Variants in IQSEC3 observed in about 807,000 individuals in gnomAD.
IQSEC3 encodes IQ motif and SEC7 domain-containing protein 3.
IQSEC3 carries 50 observed loss-of-function variants against 105.4 expected under a neutral mutation model. That is an observed-to-expected ratio of 0.47 (90% CI 0.38 to 0.60). The LOEUF is 0.60. Ranked by LOEUF, IQSEC3 falls within the 20% of genes least tolerant of loss-of-function variation. The pLI is 0.00. For synonymous variants in IQSEC3, 708 were observed against 746.0 expected (o/e 0.95, Z 0.83); for missense variants, 1,415 against 1,630.0 (o/e 0.87, Z 2.27).
At chr12:139,710 C>A (rs1173680479) in intron 4 of IQSEC3, 1 of 198,566 alleles carries the variant, frequency 5.0e-6, no homozygotes, top group African/African-American at 2.3e-5. Context: ...TTGAGGATTA[C>A]GCAGCAATCA....
In IQSEC3 at chr12:141,161, G is replaced by A. The variant is rs782808971; in HGVS notation, c.2029G>A (p.Gly677Ser). The change falls in exon 5 of 14, where the codon GGC becomes AGC. Residue 677 changes from glycine (G) to serine (S), a missense_variant. Gly to Ser is a moderately conservative substitution (Grantham distance 56, BLOSUM62 0). This residue lies in a region of IQSEC3 where 213 missense variants were observed against 306.2 expected (regional missense o/e 0.70). Coordinates refer to ENST00000538872, the MANE Select transcript of IQSEC3 (RefSeq NM_001170738.2). The part of the protein sequence containing the change: ...DKGIQFLISR[G>S]FIPDTPIGVA... Reference sequence around the variant, plus strand: ...GGGCATCCAGTTCCTGATCTCACGCGGCTTCATCCCGGACACCCCCATCGG... The same window carrying A: ...GGGCATCCAGTTCCTGATCTCACGCAGCTTCATCCCGGACACCCCCATCGG... 31 of 1,585,404 alleles carry A rather than the reference G, an allele frequency of 2.0e-5. No individual in the cohort carries two copies. Among genetic ancestry groups the A allele is most frequent in the Admixed American group, 8.6e-5 (5 of 58,386 alleles).
At chr12:135,309 A>T (rs1865727608) in intron 3 of IQSEC3, among the ~76,000 whole-genome samples, 1 of 152,234 alleles carries the variant, frequency 6.6e-6, no homozygotes, top group Non-Finnish European at 1.5e-5. Context: ...TCCAGGCCTC[A>T]GGGAATGTGT....
At chr12:167,840 C>G (rs187563022) in intron 11 of IQSEC3, 1 of 152,372 alleles carries the variant, frequency 6.6e-6, no homozygotes, top group East Asian at 1.9e-4. Context: ...GGGAAGTTGT[C>G]CAAGTTCACA....
rs1293328097 is a variant in IQSEC3, at chr12:175,580, G to A, written c.*547G>A. On this transcript the variant is annotated 3_prime_UTR_variant, in exon 14 of 14. Transcript: ENST00000538872. Reference sequence around the variant, plus strand: ...CTTTTTCTGCCACCCCCGCCCCCAAGCCTGAAACTCTCAGGAGTCTACTTC... The same window carrying A: ...CTTTTTCTGCCACCCCCGCCCCCAAACCTGAAACTCTCAGGAGTCTACTTC... The A allele has an allele frequency of 6.5e-6, 1 of 152,882 alleles. No homozygotes were observed. Among genetic ancestry groups the A allele is most frequent in the East Asian group, 1.9e-4 (1 of 5,186 alleles). The allele number at this position is 152,882 out of a possible 1,614,324, so 9.5% of individuals were successfully genotyped here.
At chr12:125,563 C>T (rs1555082974) in intron 2 of IQSEC3, 70 bp from the exon 3 acceptor site, 5 of 1,402,214 alleles carry the variant, frequency 3.6e-6, no homozygotes, top group Non-Finnish European at 4.6e-6. Context: ...GCTTCTCTCC[C>T]CGACCCCCAC....
At chr12:164,427 G>A (rs896958374) in intron 9 of IQSEC3, among the ~76,000 whole-genome samples, 4 of 151,330 alleles carry the variant, frequency 2.6e-5, no homozygotes, top group Non-Finnish European at 5.9e-5. Flanking sequence ...CTGCCTCCCC[G>A]CCCTCTCCTC....
intron 1 of IQSEC3, among the ~76,000 whole-genome samples, chr12:91,611 C>CA (rs1187652699): frequency 3.3e-5 from 5 of 152,034 alleles, no homozygotes; most frequent in African/African-American, 7.2e-5. Flanking sequence ...TCTGTCTCTA[C>CA]AAAAAAGTCA....
In IQSEC3 at chr12:157,677, T is replaced by G; in HGVS notation, c.2426T>G (p.Phe809Cys). The G allele has an allele frequency of 1.9e-6, 3 of 1,613,462 alleles. No individual in the cohort carries two copies. Among genetic ancestry groups the G allele is most frequent in the Non-Finnish European group, 2.5e-6 (3 of 1,179,582 alleles). ...GACCGGAAGATGATGCTGGAGGACT[T>G]CATCCGAAACCTTCGAGGTGAGGAG... Reference protein sequence around the residue: ...KPDRKMMLEDFIRNLRGVDDG... With the variant: ...KPDRKMMLEDCIRNLRGVDDG... Residue 809 changes from phenylalanine (F) to cysteine (C), a missense_variant, in exon 7 of 14, where the codon TTC becomes TGC. Physicochemically the swap from Phe to Cys is radical, Grantham distance 205. Coordinates refer to ENST00000538872, the MANE Select transcript of IQSEC3 (RefSeq NM_001170738.2).
intron 3 of IQSEC3, among the ~76,000 whole-genome samples, chr12:134,613 G>A (rs1445460446): frequency 6.6e-6 from 1 of 152,246 alleles, no homozygotes; most frequent in Non-Finnish European, 1.5e-5. Flanking sequence ...GTGAAATCTG[G>A]CCGGGCGCAG....
At chr12:75,584 TGG>T (rs1274353689) in intron 1 of IQSEC3, among the ~76,000 whole-genome samples, 1 of 152,218 alleles carries the variant, frequency 6.6e-6, no homozygotes, top group African/African-American at 2.4e-5. Context: ...ATGACTCTGT[TGG>T]GGTTTGCTAT....
intron 1 of IQSEC3, among the ~76,000 whole-genome samples, chr12:68,900 G>A (rs1863200259): frequency 1.3e-5 from 2 of 152,184 alleles, no homozygotes; most frequent in Admixed American, 6.5e-5. Flanking sequence ...TAAAACATTT[G>A]ATTCAAGTCC....
At chr12:121,396 C>T (rs1238164777) in intron 2 of IQSEC3, among the ~76,000 whole-genome samples, 1 of 152,192 alleles carries the variant, frequency 6.6e-6, no homozygotes, top group African/African-American at 2.4e-5. Flanking sequence ...TGAGGACATG[C>T]TCTTGATGCT....
chr12:74,866 G>T (rs1428735577), intron 1 of IQSEC3, among the ~76,000 whole-genome samples: 2 of 152,286 alleles, frequency 1.3e-5, no homozygotes, highest in African/African-American at 4.8e-5. Context: ...AAACTAGCTA[G>T]TGTCAGAACT....
intron 1 of IQSEC3, among the ~76,000 whole-genome samples, chr12:69,452 G>C (rs1356388557): frequency 6.6e-6 from 1 of 152,262 alleles, no homozygotes; most frequent in African/African-American, 2.4e-5. Context: ...TCCTGCTTTT[G>C]CTTCCCAAAG....
intron 1 of IQSEC3, among the ~76,000 whole-genome samples, chr12:70,366 G>T (rs1863266285): frequency 6.6e-6 from 1 of 152,272 alleles, no homozygotes; most frequent in Non-Finnish European, 1.5e-5. Flanking sequence ...AGACACAAAG[G>T]TGGTGGTCTT....
intron 2 of IQSEC3, among the ~76,000 whole-genome samples, chr12:121,067 C>G (rs1199472528): frequency 6.6e-6 from 1 of 152,292 alleles, no homozygotes; most frequent in Middle Eastern, 3.4e-3. Context: ...CTGGGAAGGG[C>G]CTTTAAGAAG....
At position 122,400 on chromosome 12, in the gene IQSEC3, G is replaced by A. The variant is rs1008639128; in HGVS notation, c.624-3233G>A. 2.1e-4 allele frequency among the ~76,000 whole-genome samples: 32 copies of A among 152,354 alleles called. 1 individual carries two copies. The highest frequency in any genetic ancestry group is 6.8e-3 in the Middle Eastern group (2 of 294). ...AGCTAGTTAGAAGCATTGTGTGTGCGTGAGTGTGTGTGTACATGAGTATAT... is the reference window on the plus strand; with the variant it reads ...AGCTAGTTAGAAGCATTGTGTGTGCATGAGTGTGTGTGTACATGAGTATAT... On this transcript the variant is annotated intron_variant, in intron 2 of 13. Transcript: ENST00000538872.
chr12:148,986 A>C (rs1555091843), intron 5 of IQSEC3: 2 of 152,038 alleles, frequency 1.3e-5, no homozygotes, highest in Non-Finnish European at 2.9e-5. Context: ...ATTCATTTTG[A>C]TCACAGGCGT....
Position 92,431 on chromosome 12 carries a change from T to C in IQSEC3, c.555-6715T>C, listed in dbSNP as rs117738271. Among the ~76,000 whole-genome samples, 645 of 152,284 alleles carry C rather than the reference T, an allele frequency of 4.2e-3. 5 individuals are homozygous for C. The highest frequency in any genetic ancestry group is 0.027 in the East Asian group (139 of 5,176). ...TGAATGGTACCCCCAGACTTGTGTG[T>C]CACAGGGGCTCTGAGAATGCCCCTC... On this transcript the variant is annotated intron_variant, in intron 1 of 13. Coordinates refer to ENST00000538872, the MANE Select transcript of IQSEC3 (RefSeq NM_001170738.2).
Sources: gnomAD v4.1 joint callset for allele counts (sites outside exome capture counted in the v4.1 genomes callset) on GRCh38, gnomAD v4.1.1 for gene constraint, gnomAD v4.1.1 regional missense constraint, MANE v1.5 for transcripts, NCBI Gene and HGNC (gene_info 2026-07-23, HGNC 2026-07-21) for gene names.